Variants in PCSK5 observed in about 807,000 individuals in gnomAD.
PCSK5 encodes the protein prohormone convertase 5.
Under a neutral mutation model 233.2 loss-of-function variants are expected in PCSK5, and 129 were observed. The ratio of observed to expected loss-of-function variants is 0.55; its 90% CI spans 0.48 to 0.64. The LOEUF is 0.64. Among genes scored for constraint, PCSK5 ranks in the 30% least tolerant of loss-of-function variants. PCSK5 has a pLI of 0.00. For synonymous variants in PCSK5, 825 were observed against 879.2 expected (o/e 0.94, Z 1.09); for missense variants, 2,076 against 2,430.1 (o/e 0.85, Z 3.06).
chr9:76,283,737 C>T (rs767501028), intron 24 of PCSK5, among the ~76,000 whole-genome samples: 29 of 152,014 alleles, frequency 1.9e-4, no homozygotes, highest in Admixed American at 3.9e-4. Flanking sequence ...AAAGTTTGCT[C>T]CGGGGAATAA....
At chr9:76,083,783 C>T (rs529404503) in intron 7 of PCSK5, among the ~76,000 whole-genome samples, 45 of 152,330 alleles carry the variant, frequency 3.0e-4, no homozygotes, top group African/African-American at 1.0e-3. Flanking sequence ...TTTCCCCACC[C>T]TTAAATTAAA....
chr9:76,173,925 G>A (rs564459383), intron 13 of PCSK5, among the ~76,000 whole-genome samples: 1 of 151,998 alleles, frequency 6.6e-6, no homozygotes, highest in Admixed American at 6.6e-5. Context: ...AGTGAGCCTA[G>A]ATCATGCCAT....
At chr9:76,345,405 G>A (rs538631735) in intron 35 of PCSK5, among the ~76,000 whole-genome samples, 2 of 150,820 alleles carry the variant, frequency 1.3e-5, no homozygotes, top group South Asian at 2.1e-4. Flanking sequence ...GCTTATTTTC[G>A]TATTCTTTGT....
At chr9:76,184,271 C>T (rs752559499) in intron 16 of PCSK5, among the ~76,000 whole-genome samples, 3 of 152,132 alleles carry the variant, frequency 2.0e-5, no homozygotes, top group African/African-American at 4.8e-5. Context: ...CCCATTCCTT[C>T]GTCTCAGGCA....
At chr9:75,919,931 G>A (rs1823173097) in intron 1 of PCSK5, among the ~76,000 whole-genome samples, 1 of 152,232 alleles carries the variant, frequency 6.6e-6, no homozygotes, top group Non-Finnish European at 1.5e-5. Flanking sequence ...ACTTTGGGAA[G>A]CCGAGGTGGG....
intron 1 of PCSK5, among the ~76,000 whole-genome samples, chr9:75,895,743 C>T (rs1302978916): frequency 6.6e-6 from 1 of 152,054 alleles, no homozygotes; most frequent in Non-Finnish European, 1.5e-5. Context: ...ATTTTTTATT[C>T]TGAGTGTAGT....
At chr9:75,964,087 T>A (rs1033016639) in intron 2 of PCSK5, among the ~76,000 whole-genome samples, 4 of 152,172 alleles carry the variant, frequency 2.6e-5, no homozygotes, top group African/African-American at 9.6e-5. Context: ...CGAAGCTATG[T>A]AGGGAGAGTA....
Position 76,188,614 on chromosome 9 carries a change from T to C in PCSK5, c.2319T>C (p.Asp773=), listed in dbSNP as rs370937335. 1.3e-5 allele frequency: 21 copies of C among 1,613,762 alleles called. No homozygotes were observed. In the African/African-American group the frequency reaches 1.9e-4, roughly 14 times the overall value. Residue 773 remains aspartate (D), a synonymous_variant, in exon 18 of 38, where the codon GAT becomes GAC. Transcript: ENST00000674117. ...CCCGGTGCTCTGTCTCCTGTGAAGATGGACGGTATTTCAACGGCCAGGACT... is the reference window on the plus strand; with the variant it reads ...CCCGGTGCTCTGTCTCCTGTGAAGACGGACGGTATTTCAACGGCCAGGACT... The part of the protein sequence containing the change: ...QGSRCSVSCE[D]GRYFNGQDCQ...
intron 20 of PCSK5, among the ~76,000 whole-genome samples, chr9:76,225,954 G>C (rs977520066): frequency 5.9e-5 from 9 of 152,216 alleles, no homozygotes; most frequent in Admixed American, 4.6e-4. Flanking sequence ...CTGCATACCT[G>C]TTGGTATGCC....
intron 33 of PCSK5, among the ~76,000 whole-genome samples, chr9:76,330,041 T>C (rs1002286934): frequency 6.6e-5 from 10 of 152,094 alleles, no homozygotes; most frequent in Non-Finnish European, 1.3e-4. Flanking sequence ...GCCAAGATGT[T>C]CAGTTTCCCT....
intron 24 of PCSK5, among the ~76,000 whole-genome samples, chr9:76,272,768 C>G (rs1587823950): frequency 1.7e-5 from 1 of 57,590 alleles, no homozygotes; most frequent in Non-Finnish European, 3.7e-5. Flanking sequence ...AGTGAGACTC[C>G]ATCTCAAAAA....
chr9:76,048,765 C>G (rs999805291), intron 5 of PCSK5, among the ~76,000 whole-genome samples: 9 of 152,178 alleles, frequency 5.9e-5, no homozygotes, highest in Non-Finnish European at 1.3e-4. Context: ...GTGATCCTTA[C>G]AACTTTAATT....
At chr9:76,070,877 A>T (rs1830458362) in intron 6 of PCSK5, among the ~76,000 whole-genome samples, 1 of 152,134 alleles carries the variant, frequency 6.6e-6, no homozygotes, top group Admixed American at 6.6e-5. Context: ...GGCCTGTAAA[A>T]ATATAATTTT....
Position 76,359,258 on chromosome 9 carries a change from C to G in PCSK5, c.*336C>G, listed in dbSNP as rs1389455755. 4.1e-6 allele frequency: 1 copy of G among 241,678 alleles called. No individual in the cohort carries two copies. Among genetic ancestry groups the G allele is most frequent in the Non-Finnish European group, 8.1e-6 (1 of 122,976 alleles). 15.0% of individuals were successfully genotyped at this position (241,678 alleles called of 1,614,324 possible). On this transcript the variant is annotated 3_prime_UTR_variant, in exon 38 of 38. Coordinates refer to ENST00000674117, the MANE Select transcript of PCSK5 (RefSeq NM_001372043.1). ...CTTCTATGTGATTTTAAAAAAAGGACAGCAGATCTATAGAAATTCTGTTTC... is the reference window on the plus strand; with the variant it reads ...CTTCTATGTGATTTTAAAAAAAGGAGAGCAGATCTATAGAAATTCTGTTTC...
intron 25 of PCSK5, among the ~76,000 whole-genome samples, chr9:76,293,017 G>A: frequency 6.6e-6 from 1 of 152,300 alleles, no homozygotes; most frequent in East Asian, 1.9e-4. Flanking sequence ...AGAGACACAG[G>A]AGGATGTTAA....
chr9:76,229,055 A>G (rs939800094), intron 21 of PCSK5, among the ~76,000 whole-genome samples: 1 of 152,216 alleles, frequency 6.6e-6, no homozygotes, highest in East Asian at 1.9e-4. Flanking sequence ...AAGGAAGGAG[A>G]AAGGACCGAA....
At chr9:75,941,246 G>A (rs1445996695) in intron 2 of PCSK5, among the ~76,000 whole-genome samples, 2 of 152,162 alleles carry the variant, frequency 1.3e-5, no homozygotes, top group African/African-American at 2.4e-5. Context: ...TTTTATAAGT[G>A]TAATATAACA....
chr9:76,229,914 TTGG>T (rs1292734600), intron 21 of PCSK5, among the ~76,000 whole-genome samples: 1 of 152,150 alleles, frequency 6.6e-6, no homozygotes, highest in Non-Finnish European at 1.5e-5. Flanking sequence ...CTGGCATGAG[TTGG>T]GGAAAGAAGC....
intron 21 of PCSK5, among the ~76,000 whole-genome samples, chr9:76,229,482 G>A (rs986895974): frequency 6.6e-6 from 1 of 152,162 alleles, no homozygotes; most frequent in African/African-American, 2.4e-5. Context: ...TAATTTCCCT[G>A]CCCAGTCCTG....
Sources: allele counts gnomAD v4.1 joint callset (sites outside exome capture counted in the v4.1 genomes callset), GRCh38; gene constraint gnomAD v4.1.1; transcripts MANE v1.5; gene names NCBI Gene and HGNC (gene_info 2026-07-23, HGNC 2026-07-21).